ODAD1: variants seen among roughly 807,000 people sequenced by gnomAD.
The protein encoded by ODAD1 is outer dynein arm-docking complex subunit 1.
Under a neutral mutation model 67.2 loss-of-function variants are expected in ODAD1, and 49 were observed. That is an observed-to-expected ratio of 0.73 (90% CI 0.58 to 0.92). The LOEUF (loss-of-function observed/expected upper bound fraction) is 0.92. Ranked by LOEUF, ODAD1 falls within the 40% of genes least tolerant of loss-of-function variation. ODAD1 has a pLI of 0.00. For missense variants in ODAD1, 897 were observed against 953.7 expected, an observed-to-expected ratio of 0.94 and a Z score of 0.78; for synonymous variants, 345 against 393.7, an observed-to-expected ratio of 0.88 and a Z score of 1.46.
chr19:48,297,930 T>C (rs1968348451), intron 14 of ODAD1, 70 bp downstream of exon 14: 2 of 1,275,066 alleles, frequency 1.6e-6, no homozygotes, highest in South Asian at 1.3e-5. Flanking sequence ...CAAAACTCTC[T>C]ATCCTGTGTG....
intron 12 of ODAD1, among the ~76,000 whole-genome samples, chr19:48,299,312 G>A (rs1000826412): frequency 6.6e-6 from 1 of 152,212 alleles, no homozygotes; most frequent in Non-Finnish European, 1.5e-5. Context: ...TGGAGAGGCT[G>A]AGGCAGGAGA....
At chr19:48,298,803 C>A (rs1328892188) in intron 12 of ODAD1, among the ~76,000 whole-genome samples, 1 of 152,196 alleles carries the variant, frequency 6.6e-6, no homozygotes, top group Non-Finnish European at 1.5e-5. Flanking sequence ...CTGTCCTAGC[C>A]CCTGAGTGAT....
chr19:48,307,947 C>G (rs1968659720), intron 7 of ODAD1, among the ~76,000 whole-genome samples: 1 of 152,066 alleles, frequency 6.6e-6, no homozygotes, highest in Admixed American at 6.6e-5. Context: ...TCCAGATTAC[C>G]CAGACTATCT....
intron 7 of ODAD1, among the ~76,000 whole-genome samples, chr19:48,307,667 T>C (rs1968645229): frequency 6.6e-6 from 1 of 151,750 alleles, no homozygotes; most frequent in Non-Finnish European, 1.5e-5. Context: ...TACAAAAAAT[T>C]AGCCGGGCGT....
intron 7 of ODAD1, among the ~76,000 whole-genome samples, chr19:48,310,206 C>T (rs1050529996): frequency 1.3e-5 from 2 of 152,070 alleles, no homozygotes; most frequent in Non-Finnish European, 2.9e-5. Flanking sequence ...TACACTCCAG[C>T]CTGGGCAACA....
intron 12 of ODAD1, among the ~76,000 whole-genome samples, chr19:48,301,711 G>A (rs914216662): frequency 1.3e-5 from 2 of 152,178 alleles, no homozygotes; most frequent in Admixed American, 6.5e-5. Flanking sequence ...ATGGACATGG[G>A]ACAGATGGAG....
At chr19:48,297,883 C>G in intron 14 of ODAD1, 117 bp downstream of exon 14, 1 of 876,828 alleles carries the variant, frequency 1.1e-6, no homozygotes, top group Non-Finnish European at 1.7e-6. Context: ...TCTAACCCCC[C>G]AGGGCCACAT....
At position 48,297,882 on chromosome 19, in the gene ODAD1, C is replaced by T. The variant is rs561956797; in HGVS notation, c.1502+118G>A. ...AGCACATACTTCATATTCTAACCCCCCAGGGCCACATCCGCCAGCCAGTCC... is the reference window on the plus strand; with the variant it reads ...AGCACATACTTCATATTCTAACCCCTCAGGGCCACATCCGCCAGCCAGTCC... On this transcript the variant is annotated intron_variant, in intron 14 of 15. Transcript: ENST00000674294. The T allele has an allele frequency of 1.6e-4, 138 of 874,678 alleles. No homozygotes were observed. The African/African-American group carries it at 1.9e-3, about 12-fold the overall frequency. The allele number at this position is 874,678 out of a possible 1,614,324, so 54.2% of individuals were successfully genotyped here.
intron 5 of ODAD1, 99 bp downstream of exon 5, chr19:48,318,288 G>A (rs369359521): frequency 2.3e-5 from 24 of 1,057,454 alleles, no homozygotes; most frequent in African/African-American, 4.8e-5. Flanking sequence ...CACTGTGCCC[G>A]GCCTAATAGC....
At chr19:48,310,065 T>C (rs1968715991) in intron 7 of ODAD1, among the ~76,000 whole-genome samples, 1 of 151,874 alleles carries the variant, frequency 6.6e-6, no homozygotes, top group African/African-American at 2.4e-5. Context: ...AGAAACCCTG[T>C]CTCTACTAAA....
Position 48,298,298 on chromosome 19 carries a change from A to T in ODAD1, c.1283T>A (p.Met428Lys). The T allele has an allele frequency of 6.2e-7, 1 of 1,614,200 alleles. No homozygotes were observed. The highest frequency in any genetic ancestry group is 8.5e-7 in the Non-Finnish European group (1 of 1,180,034). ...LFTKAHCDSS[M>K]IDDLLGVKTS... ...CTTGACCCCAAGGAGGTCATCGATC[A>T]TGCTGCTGTCGCAATGGGCCTTGGT... Residue 428 changes from methionine (M) to lysine (K), a missense_variant, in exon 13 of 16, where the codon ATG becomes AAG. Transcript: ENST00000674294.
rs1968333569 is a variant in ODAD1, at chr19:48,297,584, T to G, written c.1581+6A>C. The G allele has an allele frequency of 6.4e-7, 1 of 1,556,806 alleles. No individual in the cohort carries two copies. Among genetic ancestry groups the G allele is most frequent in the Non-Finnish European group, 8.7e-7 (1 of 1,154,862 alleles). On this transcript the variant is annotated splice_donor_region_variant and intron_variant, in intron 15 of 15. Coordinates refer to ENST00000674294, the MANE Select transcript of ODAD1 (RefSeq NM_001364171.2). ...CTGGCCCCACCCCCGCAGGCCCCAC[T>G]CTCACCAGCTTCTCCACTTGGCTCA...
At chr19:48,300,337 T>G (rs952448489) in intron 12 of ODAD1, among the ~76,000 whole-genome samples, 1 of 152,026 alleles carries the variant, frequency 6.6e-6, no homozygotes, top group Non-Finnish European at 1.5e-5. Context: ...TAAAAAAATT[T>G]TTAAAAAGGA....
intron 12 of ODAD1, among the ~76,000 whole-genome samples, chr19:48,299,495 C>T (rs538185069): frequency 2.8e-4 from 42 of 152,148 alleles, no homozygotes; most frequent in African/African-American, 9.6e-4. Flanking sequence ...CTCTGCATGG[C>T]TACTTCCTGA....
chr19:48,310,046 C>T (rs571041962), intron 7 of ODAD1, among the ~76,000 whole-genome samples: 1 of 152,110 alleles, frequency 6.6e-6, no homozygotes, highest in Non-Finnish European at 1.5e-5. Flanking sequence ...ATCAGCCTGA[C>T]CAACATGGAG....
chr19:48,297,442 A>G lies in ODAD1; in HGVS notation c.1658T>C (p.Leu553Pro). 1 of 1,603,474 alleles carries G rather than the reference A, an allele frequency of 6.2e-7. No individual in the cohort carries two copies. The highest frequency in any genetic ancestry group is 1.1e-5 in the South Asian group (1 of 90,940). The change falls in exon 16 of 16, where the codon CTG (leucine) becomes CCG (proline). Residue 553 changes from leucine to proline, a missense_variant. By Grantham distance (98) the Leu-to-Pro change is moderately conservative. Coordinates refer to ENST00000674294, the MANE Select transcript of ODAD1 (RefSeq NM_001364171.2). ...AAAAAKLDGT[L>P]SVDLASTQRA... ...CTGGGTGCTGGCCAGGTCCACGCTCAGGGTGCCGTCCAGCTTCGCGGCGGC... is the reference window on the plus strand; with the variant it reads ...CTGGGTGCTGGCCAGGTCCACGCTCGGGGTGCCGTCCAGCTTCGCGGCGGC...
chr19:48,296,933 C>T lies in ODAD1; in HGVS notation c.*43G>A, dbSNP rs773784627. On this transcript the variant is annotated 3_prime_UTR_variant, in exon 16 of 16. Coordinates refer to ENST00000674294, the MANE Select transcript of ODAD1 (RefSeq NM_001364171.2). ...GGAAGTAGAGACACAAAAAAAGACC[C>T]CACAGAGAGCCAGGGCAGGGTGGGG... 31 of 1,516,916 alleles carry T rather than the reference C, an allele frequency of 2.0e-5. No homozygotes were observed. The highest frequency in any genetic ancestry group is 2.5e-5 in the Non-Finnish European group (28 of 1,140,408). 94.0% of individuals were successfully genotyped at this position (1,516,916 alleles called of 1,614,324 possible).
At chr19:48,300,732 C>T (rs1310493675) in intron 12 of ODAD1, among the ~76,000 whole-genome samples, 1 of 152,122 alleles carries the variant, frequency 6.6e-6, no homozygotes, top group Non-Finnish European at 1.5e-5. Flanking sequence ...TTTACAAAAA[C>T]ATCTGAATGG....
At chr19:48,309,108 C>T (rs895401019) in intron 7 of ODAD1, among the ~76,000 whole-genome samples, 1 of 152,322 alleles carries the variant, frequency 6.6e-6, no homozygotes, top group Non-Finnish European at 1.5e-5. Flanking sequence ...CCGATCCCTG[C>T]AGGCTCGAGC....
Sources: gnomAD v4.1 joint callset for allele counts (sites outside exome capture counted in the v4.1 genomes callset) on GRCh38, gnomAD v4.1.1 for gene constraint, MANE v1.5 for transcripts, NCBI Gene and HGNC (gene_info 2026-07-23, HGNC 2026-07-21) for gene names.